The following USP42 variants were observed in gnomAD, a reference collection of about 807,000 sequenced individuals.
USP42 encodes ubiquitin specific peptidase 42, also known as ubiquitin carboxyl-terminal hydrolase 42.
A neutral mutation model predicts 113.0 loss-of-function variants in USP42; 23 were observed. The ratio of observed to expected loss-of-function variants is 0.20; its 90% CI spans 0.15 to 0.29. The LOEUF (loss-of-function observed/expected upper bound fraction) is 0.29. Among genes scored for constraint, USP42 ranks in the 10% least tolerant of loss-of-function variants. The pLI is 1.00. For synonymous variants in USP42, 933 were observed against 699.0 expected, an observed-to-expected ratio of 1.33 and a Z score of -5.28; for missense variants, 2,174 against 1,779.8, an observed-to-expected ratio of 1.22 and a Z score of -3.99.
At chr7:6,103,105 G>A (rs1562790828), upstream of USP42, among the ~76,000 whole-genome samples, 1 of 151,022 alleles carries the variant, frequency 6.6e-6, no homozygotes, top group Admixed American at 6.6e-5. Context: ...GGAGAAGCAG[G>A]CTCATGGTGG....
At position 6,154,190 on chromosome 7, in the gene USP42, A is replaced by C; in HGVS notation, c.2636A>C (p.His879Pro). Reference protein sequence around the residue: ...QPLLVHPSGDHARDAQDPSQS... With the variant: ...QPLLVHPSGDPARDAQDPSQS... ...CTCCTTGTTCACCCCAGCGGGGACC[A>C]CGCCCGGGACGCTCAGGACCCATCC... The change falls in exon 15 of 18, where the codon CAC becomes CCC. Residue 879 changes from histidine to proline, a missense_variant. By Grantham distance (77) the His-to-Pro change is moderately conservative. Coordinates refer to ENST00000306177, the MANE Select transcript of USP42 (RefSeq NM_032172.3). 1 of 1,600,566 alleles carries C rather than the reference A, an allele frequency of 6.2e-7. No individual in the cohort carries two copies. Among genetic ancestry groups the C allele is most frequent in the Non-Finnish European group, 8.5e-7 (1 of 1,175,624 alleles).
At chr7:6,152,943 C>G (rs990130119) in intron 14 of USP42, 1 of 977,288 alleles carries the variant, frequency 1.0e-6, no homozygotes, top group Non-Finnish European at 1.2e-6. Context: ...CATCACTGGA[C>G]TTTTTTTCTT....
chr7:6,133,195 C>A (rs1435700717), intron 3 of USP42, among the ~76,000 whole-genome samples: 2 of 152,186 alleles, frequency 1.3e-5, no homozygotes, highest in Admixed American at 1.3e-4. Context: ...CTCATGTGAA[C>A]TGACAGCTCA....
At chr7:6,115,249 G>T (rs930912798) in intron 2 of USP42, 74 bp from the exon 3 acceptor site, 1 of 1,453,408 alleles carries the variant, frequency 6.9e-7, no homozygotes, top group South Asian at 1.2e-5. Context: ...ATTGAGGTTT[G>T]ACCAGGTGTT....
the USP42 span, among the ~76,000 whole-genome samples, chr7:6,099,387 TG>T: frequency 6.7e-6 from 1 of 149,002 alleles, no homozygotes; most frequent in East Asian, 2.0e-4. Flanking sequence ...GCTAATTTTT[TG>T]TATTTTTAGT....
chr7:6,121,738 C>G (rs1780236815), intron 3 of USP42, among the ~76,000 whole-genome samples: 1 of 152,202 alleles, frequency 6.6e-6, no homozygotes, highest in Non-Finnish European at 1.5e-5. Context: ...GATCATACCT[C>G]ACTGCAGCCT....
At chr7:6,134,432 C>A (rs761867418) in intron 3 of USP42, among the ~76,000 whole-genome samples, 2 of 152,038 alleles carry the variant, frequency 1.3e-5, no homozygotes, top group African/African-American at 4.8e-5. Flanking sequence ...TTTTGTATTT[C>A]TTTAAAAAAT....
chr7:6,153,224 G>C (rs1782173408), intron 14 of USP42, among the ~76,000 whole-genome samples: 1 of 151,232 alleles, frequency 6.6e-6, no homozygotes, highest in Non-Finnish European at 1.5e-5. Context: ...AGGGAGCTGA[G>C]ATCACACCAC....
rs1363123849 is a variant in USP42 at position 6,154,076 on chromosome 7, A to AGGGCCCGCG, written c.2525_2533dup (p.Gly842_Arg844dup). 6.2e-7 allele frequency: 1 copy of AGGGCCCGCG among 1,606,048 alleles called. No individual in the cohort carries two copies. Among genetic ancestry groups the AGGGCCCGCG allele is most frequent in the East Asian group, 2.2e-5 (1 of 44,852 alleles). On this transcript the variant is annotated inframe_insertion, in exon 15 of 18. Coordinates refer to ENST00000306177, the MANE Select transcript of USP42 (RefSeq NM_032172.3). Reference sequence around the variant, plus strand: ...CAGGACGCAAAGGGGATGATCGCGGAGGGCCCGCGGGACTCGGCGTTGGCG... The same window carrying AGGGCCCGCG: ...CAGGACGCAAAGGGGATGATCGCGGAGGGCCCGCGGGGCCCGCGGGACTCGGCGTTGGCG...
rs373978759 is a variant in USP42, at chr7:6,152,635, C to T, written c.2202-1121C>T. Among the ~76,000 whole-genome samples, 16 of 152,284 alleles carry T rather than the reference C, an allele frequency of 1.1e-4. No individual in the cohort carries two copies. The East Asian group carries it at 1.9e-3, about 18-fold the overall frequency. The stretch of plus-strand genomic sequence containing the variant: ...AGGCCAGCTTGGACACTCGCTCCCT[C>T]GGCCAGGGGACTCTGGCCTCACCTA... On this transcript the variant is annotated intron_variant, in intron 14 of 17. Transcript: ENST00000306177.
chr7:6,153,502 G>A (rs964414881), intron 14 of USP42, among the ~76,000 whole-genome samples: 1 of 152,148 alleles, frequency 6.6e-6, no homozygotes, highest in African/African-American at 2.4e-5. Context: ...GGGCTTCGGC[G>A]AGATGTATTT....
At chr7:6,149,327 A>T (rs1781902276) in intron 12 of USP42, among the ~76,000 whole-genome samples, 1 of 152,148 alleles carries the variant, frequency 6.6e-6, no homozygotes, top group Non-Finnish European at 1.5e-5. Flanking sequence ...GGACAGAACG[A>T]GTTTGGTCGG....
rs1470516685 is a variant in USP42, at chr7:6,150,280, A to G, written c.2084A>G (p.Lys695Arg). Reference protein sequence around the residue: ...PALHSENPFAKANGLPGKLMP... With the variant: ...PALHSENPFARANGLPGKLMP... ...CTGCACTCAGAAAATCCCTTTGCTA[A>G]GGCAAACGGTCTTCCTGGAAAGGTG... is the stretch of plus-strand genomic sequence containing the variant. The change falls in exon 13 of 18, where the codon AAG (lysine) becomes AGG (arginine). Residue 695 changes from lysine (K) to arginine (R), a missense_variant. Transcript: ENST00000306177. The G allele has an allele frequency of 6.2e-7, 1 of 1,613,252 alleles. No homozygotes were observed. Among genetic ancestry groups the G allele is most frequent in the African/African-American group, 1.3e-5 (1 of 74,918 alleles).
At chr7:6,123,618 G>A (rs1033578916) in intron 3 of USP42, among the ~76,000 whole-genome samples, 4 of 151,928 alleles carry the variant, frequency 2.6e-5, no homozygotes, top group Non-Finnish European at 4.4e-5. Flanking sequence ...AGCCGAGATC[G>A]CGCCACTGCA....
chr7:6,146,755 C>T (rs1309935802), intron 11 of USP42, among the ~76,000 whole-genome samples: 1 of 152,250 alleles, frequency 6.6e-6, no homozygotes, highest in Non-Finnish European at 1.5e-5. Context: ...CCGCATCGCA[C>T]TCTGTGGCCA....
At chr7:6,084,587 C>G in the USP42 span, 2 of 151,462 alleles carry the variant, frequency 1.3e-5, no homozygotes, top group East Asian at 3.9e-4. Flanking sequence ...CATCACCACG[C>G]TGCGGCATCT....
Position 6,159,550 on chromosome 7 carries a change from G to T in USP42, c.*36+57G>T, listed in dbSNP as rs1782654273. On this transcript the variant is annotated intron_variant, in intron 17 of 17. Transcript: ENST00000306177. The surrounding 1 kb of genome is among the most constrained non-coding windows in gnomAD (Gnocchi z 4.1). ...TTTGTGGTGGCGCTGAGGGGACGCAGGCAGAGGAGTTTTAATTCTGCGGCT... is the reference window on the plus strand; with the variant it reads ...TTTGTGGTGGCGCTGAGGGGACGCATGCAGAGGAGTTTTAATTCTGCGGCT... 1 of 1,543,978 alleles carries T rather than the reference G, an allele frequency of 6.5e-7. No individual in the cohort carries two copies. Among genetic ancestry groups the T allele is most frequent in the African/African-American group, 1.4e-5 (1 of 73,052 alleles).
intron 3 of USP42, among the ~76,000 whole-genome samples, chr7:6,120,583 A>C (rs565525364): frequency 6.6e-6 from 1 of 151,742 alleles, no homozygotes; most frequent in Non-Finnish European, 1.5e-5. Flanking sequence ...TTCAGGCATG[A>C]GCCACTATGC....
At chr7:6,119,595 G>A (rs990916912) in intron 3 of USP42, among the ~76,000 whole-genome samples, 2 of 152,214 alleles carry the variant, frequency 1.3e-5, no homozygotes, top group Non-Finnish European at 2.9e-5. Flanking sequence ...TTGGGACTGT[G>A]CTGAATATTT....
Sources: gnomAD v4.1 joint callset for allele counts (sites outside exome capture counted in the v4.1 genomes callset) on GRCh38, gnomAD v4.1.1 for gene constraint, Gnocchi (gnomAD v3.1) non-coding constraint, MANE v1.5 for transcripts, NCBI Gene and HGNC (gene_info 2026-07-23, HGNC 2026-07-21) for gene names.